DLG2: variants seen among roughly 807,000 people sequenced by gnomAD.
DLG2 encodes disks large homolog 2.
A neutral mutation model predicts 132.5 loss-of-function variants in DLG2; 45 were observed. The observed-to-expected ratio is 0.34, with a 90% CI of 0.27 to 0.44. The LOEUF (loss-of-function observed/expected upper bound fraction) is 0.44. DLG2 is among the 20% of genes least tolerant of loss of function. DLG2 has a pLI of 1.00. For missense variants in DLG2, 1,045 were observed against 1,196.9 expected, an observed-to-expected ratio of 0.87 and a Z score of 1.87; for synonymous variants, 424 against 419.6, an observed-to-expected ratio of 1.01 and a Z score of -0.13.
At chr11:85,114,860 A>G (rs1034944912) in intron 5 of DLG2, among the ~76,000 whole-genome samples, 1 of 151,956 alleles carries the variant, frequency 6.6e-6, no homozygotes, top group Non-Finnish European at 1.5e-5. Context: ...AGGGGCTTAT[A>G]CACAGTTAGA....
intron 7 of DLG2, among the ~76,000 whole-genome samples, chr11:84,486,380 C>A (rs1031593752): frequency 6.6e-6 from 1 of 152,046 alleles, no homozygotes; most frequent in Admixed American, 6.6e-5. Context: ...TCATTTTTCT[C>A]CTCTGATTAA....
At chr11:85,431,166 C>T (rs972555565) in intron 3 of DLG2, among the ~76,000 whole-genome samples, 5 of 152,080 alleles carry the variant, frequency 3.3e-5, no homozygotes, top group East Asian at 1.9e-4. Flanking sequence ...TCCTGCAAAA[C>T]GAGTGTTTCA....
At chr11:84,795,292 G>A (rs1284664550) in intron 6 of DLG2, among the ~76,000 whole-genome samples, 2 of 151,438 alleles carry the variant, frequency 1.3e-5, no homozygotes, top group Non-Finnish European at 2.9e-5. Context: ...TTCCCAAGGT[G>A]AGTCTCTTCT....
rs186451787 is a variant in DLG2, at chr11:83,492,011, C to T, written c.2194-7783G>A. On this transcript the variant is annotated intron_variant, in intron 21 of 27. Coordinates refer to ENST00000376104, the MANE Select transcript of DLG2 (RefSeq NM_001142699.3). ...GGTTTTATTCAAGGATAACCATGCT[C>T]ATTCCGTAGGTACTACCTATGACTA... is the stretch of plus-strand genomic sequence containing the variant. Among the ~76,000 whole-genome samples, 661 of 152,186 alleles carry T rather than the reference C, an allele frequency of 4.3e-3. 4 individuals carry two copies. Among genetic ancestry groups the T allele is most frequent in the Admixed American group, 7.7e-3 (118 of 15,262 alleles).
At chr11:83,880,798 G>A (rs57823093) in intron 15 of DLG2, among the ~76,000 whole-genome samples, 30,751 of 152,066 alleles carry the variant, frequency 0.2, 3,272 homozygotes, top group East Asian at 0.37. Context: ...GATCTATAGT[G>A]GACATCTATA....
intron 6 of DLG2, among the ~76,000 whole-genome samples, chr11:84,862,841 G>C (rs984718356): frequency 6.7e-6 from 1 of 148,686 alleles, no homozygotes; most frequent in Non-Finnish European, 1.5e-5. Context: ...GGGGGACTAG[G>C]GGAGGAATAG....
chr11:84,015,346 A>G (rs2095116168), intron 11 of DLG2, among the ~76,000 whole-genome samples: 1 of 152,088 alleles, frequency 6.6e-6, no homozygotes, highest in South Asian at 2.1e-4. Context: ...ACTTGTGTGT[A>G]TTAACCTTTT....
At chr11:83,797,289 C>T (rs900532028) in intron 17 of DLG2, among the ~76,000 whole-genome samples, 1 of 152,126 alleles carries the variant, frequency 6.6e-6, no homozygotes, top group African/African-American at 2.4e-5. Context: ...GTACATAACA[C>T]TTAATATGTG....
rs1231122548 is a variant in DLG2 at position 84,936,217 on chromosome 11, T to C, written c.357+175444A>G. Reference sequence around the variant, plus strand: ...TAGATATATCTCTGAATAAGTCCTTTAACCCTTCATGTGGCCTCATTTTAA... The same window carrying C: ...TAGATATATCTCTGAATAAGTCCTTCAACCCTTCATGTGGCCTCATTTTAA... On this transcript the variant is annotated intron_variant, in intron 6 of 27. Coordinates refer to ENST00000376104, the MANE Select transcript of DLG2 (RefSeq NM_001142699.3). Among the ~76,000 whole-genome samples the C allele has an allele frequency of 3.9e-4, 60 of 152,218 alleles. 1 individual carries two copies. The highest frequency in any genetic ancestry group is 3.9e-3 in the Admixed American group (59 of 15,282).
At chr11:85,520,554 T>A (rs909659911) in intron 3 of DLG2, among the ~76,000 whole-genome samples, 3 of 132,676 alleles carry the variant, frequency 2.3e-5, no homozygotes, top group Admixed American at 1.5e-4. Context: ...GAATAACCAA[T>A]GCTACCCTTA....
At chr11:84,291,516 TTAAC>T (rs2097997501) in intron 7 of DLG2, among the ~76,000 whole-genome samples, 2 of 152,316 alleles carry the variant, frequency 1.3e-5, no homozygotes, top group South Asian at 2.1e-4. Context: ...ATATTCTCCC[TTAAC>T]TGTTTTATAT....
rs188513865 is a variant in DLG2 at position 84,577,816 on chromosome 11, A to G, written c.358-43085T>C. Among the ~76,000 whole-genome samples, 119 of 152,326 alleles carry G rather than the reference A, an allele frequency of 7.8e-4. 1 individual carries two copies. The highest frequency in any genetic ancestry group is 2.8e-3 in the African/African-American group (115 of 41,574). On this transcript the variant is annotated intron_variant, in intron 6 of 27. Transcript: ENST00000376104. ...AATGTTAATCCCCAAGACCACAAGG[A>G]AAGTGTCTCCTGGCCATGTCAGAGA...
intron 7 of DLG2, among the ~76,000 whole-genome samples, chr11:84,322,809 C>T (rs940655926): frequency 1.3e-5 from 2 of 151,966 alleles, no homozygotes; most frequent in Non-Finnish European, 2.9e-5. Flanking sequence ...AGGCTGGTCT[C>T]GAACTCCTGA....
At chr11:83,858,339 A>T (rs369481060) in intron 16 of DLG2, among the ~76,000 whole-genome samples, 5 of 152,154 alleles carry the variant, frequency 3.3e-5, no homozygotes, top group East Asian at 3.9e-4. Context: ...TTATTTCTCC[A>T]CTGAAATCAT....
At chr11:85,348,627 C>T (rs543137464) in intron 3 of DLG2, among the ~76,000 whole-genome samples, 3 of 152,148 alleles carry the variant, frequency 2.0e-5, no homozygotes, top group Non-Finnish European at 2.9e-5. Flanking sequence ...TCTCTTTCCC[C>T]CCTCCATGAT....
At chr11:85,235,817 G>C (rs996897097) in intron 4 of DLG2, among the ~76,000 whole-genome samples, 3 of 151,826 alleles carry the variant, frequency 2.0e-5, no homozygotes, top group African/African-American at 7.3e-5. Flanking sequence ...TGCCAGAATA[G>C]ATCATATAGA....
chr11:85,564,966 C>T (rs2077448279), intron 3 of DLG2, among the ~76,000 whole-genome samples: 1 of 152,006 alleles, frequency 6.6e-6, no homozygotes, highest in Non-Finnish European at 1.5e-5. Context: ...TTTGTTAAAT[C>T]TATCCCTAAA....
chr11:85,447,018 C>A (rs1318504292), intron 3 of DLG2, among the ~76,000 whole-genome samples: 1 of 151,996 alleles, frequency 6.6e-6, no homozygotes, highest in Non-Finnish European at 1.5e-5. Context: ...GTGCATTGGT[C>A]ATAAGTTGAA....
intron 21 of DLG2, among the ~76,000 whole-genome samples, chr11:83,498,000 TATC>T (rs962617282): frequency 2.2e-4 from 34 of 152,178 alleles, no homozygotes; most frequent in African/African-American, 7.9e-4. Context: ...AGGAAAAAGT[TATC>T]ATCTTATTAC....
Sources: gnomAD v4.1 joint callset for allele counts (sites outside exome capture counted in the v4.1 genomes callset) on GRCh38, gnomAD v4.1.1 for gene constraint, MANE v1.5 for transcripts, NCBI Gene and HGNC (gene_info 2026-07-23, HGNC 2026-07-21) for gene names.